Variants in ABCA13 observed in about 807,000 individuals in gnomAD.
ABCA13 encodes the protein ATP binding cassette subfamily A member 13, also known as ATP-binding cassette sub-family A member 13.
ABCA13 carries 476 observed loss-of-function variants against 478.7 expected under a neutral mutation model. That is an observed-to-expected ratio of 0.99 (90% CI 0.92 to 1.07). ABCA13 has a LOEUF of 1.07. ABCA13 is among the 50% of genes least tolerant of loss of function. The pLI, the probability that ABCA13 is intolerant of heterozygous loss-of-function variation, is 0.00. For missense variants in ABCA13, 6,060 were observed against 5,910.6 expected, an observed-to-expected ratio of 1.03 and a Z score of -0.83; for synonymous variants, 2,252 against 2,158.9, an observed-to-expected ratio of 1.04 and a Z score of -1.20.
intron 1 of ABCA13, among the ~76,000 whole-genome samples, chr7:48,191,608 G>A (rs139257017): frequency 0.02 from 3,101 of 152,120 alleles, 58 homozygotes; most frequent in Non-Finnish European, 0.033. Flanking sequence ...CAGTTTCACC[G>A]TGTTGGCCAG....
rs543146825 is a variant in ABCA13 at position 48,244,701 on chromosome 7, A to G, written c.1388A>G (p.Gln463Arg). The G allele has an allele frequency of 7.5e-6, 12 of 1,590,058 alleles. No individual in the cohort carries two copies. The African/African-American group carries it at 1.2e-4, about 16-fold the overall frequency. Residue 463 changes from glutamine (Q) to arginine (R), a missense_variant and splice_region_variant, in exon 11 of 62, where the codon CAA becomes CGA. Coordinates refer to ENST00000435803, the MANE Select transcript of ABCA13 (RefSeq NM_152701.5). The stretch of plus-strand genomic sequence containing the variant: ...ATAGCTCAGAATTTACATTTTGTCC[A>G]AGGTAAGCTAGCTTTGGTGTTATTT... ...NAIAQNLHFV[Q>R]EVLICLETSA...
Position 48,411,047 on chromosome 7 carries a change from CTTTTTCTTTCTTTCTTTCTTTCTT to C in ABCA13, c.12228+374_12228+397del, listed in dbSNP as rs1563208967. On this transcript the variant is annotated intron_variant, in intron 40 of 61. Transcript: ENST00000435803. Reference sequence around the variant, plus strand: ...TCTTTCTTTCTTTCTTTCTTTCTTTCTTTTTCTTTCTTTCTTTCTTTCTTTTTCTTTCTTTCTCTCCTTTCCTTT... The same window carrying C: ...TCTTTCTTTCTTTCTTTCTTTCTTTCTTTCTTTCTTTCTCTCCTTTCCTTT... Among the ~76,000 whole-genome samples the C allele has an allele frequency of 1.6e-3, 95 of 59,336 alleles. 1 individual carries two copies. Among genetic ancestry groups the C allele is most frequent in the African/African-American group, 4.7e-3 (79 of 16,832 alleles). The allele number at this position is 59,336 out of a possible 152,430, so 38.9% of individuals were successfully genotyped here.
Position 48,352,496 on chromosome 7 carries a change from C to T in ABCA13, c.10688+9C>T. On this transcript the variant is annotated intron_variant, in intron 31 of 61. Coordinates refer to ENST00000435803, the MANE Select transcript of ABCA13 (RefSeq NM_152701.5). ...TGCCATACCAGCGACCTGTGAGTAG[C>T]CTGGGGCAGGAGCCACCGACAGTGA... 6.3e-7 allele frequency: 1 copy of T among 1,585,278 alleles called. No homozygotes were observed. Among genetic ancestry groups the T allele is most frequent in the South Asian group, 1.1e-5 (1 of 87,604 alleles).
rs148121670 is a variant in ABCA13 at position 48,339,757 on chromosome 7, C to T, written c.10204+1302C>T. Among the ~76,000 whole-genome samples the T allele has an allele frequency of 2.8e-3, 434 of 152,288 alleles. 1 individual carries two copies. Among genetic ancestry groups the T allele is most frequent in the African/African-American group, 0.01 (419 of 41,550 alleles). On this transcript the variant is annotated intron_variant, in intron 29 of 61. Transcript: ENST00000435803. ...CTCTCTTCTTTCTGCTTCCGCCTGA[C>T]GCTAGAGATTGAAGACCATATCATC... is the stretch of plus-strand genomic sequence containing the variant.
intron 58 of ABCA13, among the ~76,000 whole-genome samples, chr7:48,597,038 G>A (rs1179729939): frequency 2.0e-5 from 3 of 151,012 alleles, no homozygotes; most frequent in East Asian, 2.0e-4. Context: ...TGCAAGCTCC[G>A]CCTCCTGGGT....
chr7:48,410,985 T>TTCTTTCTG (rs1818960721), intron 40 of ABCA13, among the ~76,000 whole-genome samples: 1 of 60,186 alleles, frequency 1.7e-5, no homozygotes, highest in Admixed American at 1.7e-4. Context: ...TTCTCTTTCT[T>TTCTTTCTG]TCTTTCTTTC....
chr7:48,323,838 A>G (rs1339941191), intron 27 of ABCA13, among the ~76,000 whole-genome samples: 1 of 152,158 alleles, frequency 6.6e-6, no homozygotes, highest in Non-Finnish European at 1.5e-5. Context: ...TCACCGGGGC[A>G]GTTTTCCCCA....
chr7:48,215,606 G>A (rs756156379), intron 3 of ABCA13, among the ~76,000 whole-genome samples: 9 of 152,068 alleles, frequency 5.9e-5, no homozygotes, highest in African/African-American at 1.7e-4. Flanking sequence ...ACAATAAAGC[G>A]AAGCATAATA....
chr7:48,209,975 A>C lies in ABCA13; in HGVS notation c.288-9379A>C, dbSNP rs1584209985. Among the ~76,000 whole-genome samples the C allele has an allele frequency of 4.6e-5, 7 of 152,182 alleles. No homozygotes were observed. In the South Asian group the frequency reaches 1.5e-3, roughly 32 times the overall value. ...TCTTTTAAAGAAAACTTCTGCTCTG[A>C]TCTTTATTATTTCTTCTACTAATTT... is the stretch of plus-strand genomic sequence containing the variant. On this transcript the variant is annotated intron_variant, in intron 3 of 61. Transcript: ENST00000435803.
At chr7:48,497,745 T>A (rs1830399376) in intron 48 of ABCA13, among the ~76,000 whole-genome samples, 1 of 147,604 alleles carries the variant, frequency 6.8e-6, no homozygotes, top group African/African-American at 2.6e-5. Flanking sequence ...GCTGTCTCAT[T>A]GTCTCTAAGT....
At position 48,273,290 on chromosome 7, in the gene ABCA13, C is replaced by A. The variant is rs1212422026; in HGVS notation, c.3624C>A (p.Leu1208=). 6.2e-7 allele frequency: 1 copy of A among 1,613,480 alleles called. No homozygotes were observed. Among genetic ancestry groups the A allele is most frequent in the Non-Finnish European group, 8.5e-7 (1 of 1,179,744 alleles). The stretch of plus-strand genomic sequence containing the variant: ...TTCCCACCCATAATGTTGCTAGACT[C>A]ATATTAAATTTGTTTAAAAATGTAA... ...GILPTHNVAR[L]ILNLFKNVTQ... is the part of the protein sequence containing the mutation. The change falls in exon 17 of 62, where the codon CTC becomes CTA. Residue 1208 remains leucine (L), a synonymous_variant. Coordinates refer to ENST00000435803, the MANE Select transcript of ABCA13 (RefSeq NM_152701.5).
At chr7:48,559,410 C>G (rs917120073) in intron 55 of ABCA13, among the ~76,000 whole-genome samples, 3 of 152,072 alleles carry the variant, frequency 2.0e-5, no homozygotes, top group Non-Finnish European at 4.4e-5. Context: ...GTGACTCACC[C>G]TTCAAGGCAG....
At chr7:48,327,395 G>A (rs891892122) in intron 27 of ABCA13, among the ~76,000 whole-genome samples, 1 of 152,146 alleles carries the variant, frequency 6.6e-6, no homozygotes, top group Non-Finnish European at 1.5e-5. Context: ...CTCATGACAC[G>A]TGGGGATTAG....
chr7:48,222,049 C>T (rs1395684930), intron 5 of ABCA13, among the ~76,000 whole-genome samples: 2 of 152,008 alleles, frequency 1.3e-5, no homozygotes, highest in East Asian at 3.8e-4. Flanking sequence ...ATTTAGACAG[C>T]TCAAAAAAAA....
chr7:48,560,358 C>T (rs991312698), intron 55 of ABCA13, among the ~76,000 whole-genome samples: 2 of 152,178 alleles, frequency 1.3e-5, no homozygotes, highest in Non-Finnish European at 2.9e-5. Flanking sequence ...CCCAAGTGCA[C>T]AGATTCCCTC....
intron 39 of ABCA13, 111 bp from the exon 40 acceptor site, chr7:48,410,409 T>A: frequency 7.4e-7 from 1 of 1,354,568 alleles, no homozygotes; most frequent in Non-Finnish European, 1.0e-6. Context: ...GTTTGAAAAT[T>A]GGTGAGGATC....
At position 48,440,082 on chromosome 7, in the gene ABCA13, A is replaced by G. The variant is rs143332148; in HGVS notation, c.12565+12211A>G. Among the ~76,000 whole-genome samples the G allele has an allele frequency of 7.2e-3, 1,091 of 152,278 alleles. 14 individuals carry two copies. The highest frequency in any genetic ancestry group is 0.025 in the African/African-American group (1,036 of 41,562). ...TTTTCCTTACCTTTACATATAAATTACATATTTATTTAAGAATAGTGTTCT... is the reference window on the plus strand; with the variant it reads ...TTTTCCTTACCTTTACATATAAATTGCATATTTATTTAAGAATAGTGTTCT... On this transcript the variant is annotated intron_variant, in intron 42 of 61. Transcript: ENST00000435803.
intron 41 of ABCA13, among the ~76,000 whole-genome samples, chr7:48,426,359 C>G (rs146224575): frequency 6.3e-4 from 96 of 152,324 alleles, no homozygotes; most frequent in African/African-American, 2.1e-3. Flanking sequence ...GGCTTGCTTG[C>G]TCATGGCTTC....
At chr7:48,250,034 A>G (rs1792306082) in intron 15 of ABCA13, among the ~76,000 whole-genome samples, 1 of 151,340 alleles carries the variant, frequency 6.6e-6, no homozygotes, top group Non-Finnish European at 1.5e-5. Context: ...ATAAATCAGG[A>G]TTCCCATGAA....
Sources: allele counts gnomAD v4.1 joint callset (sites outside exome capture counted in the v4.1 genomes callset), GRCh38; gene constraint gnomAD v4.1.1; transcripts MANE v1.5; gene names NCBI Gene and HGNC (gene_info 2026-07-23, HGNC 2026-07-21).